Variants in CRADD observed in about 807,000 individuals in gnomAD.
CRADD encodes death domain-containing protein CRADD.
A neutral mutation model predicts 15.5 loss-of-function variants in CRADD; 9 were observed. That is an observed-to-expected ratio of 0.58 (90% confidence interval 0.35 to 1.01). The LOEUF (loss-of-function observed/expected upper bound fraction) is 1.01. Ranked by LOEUF, CRADD falls within the 50% of genes least tolerant of loss-of-function variation. CRADD has a pLI of 0.02. For missense variants in CRADD, 227 were observed against 250.3 expected, an observed-to-expected ratio of 0.91 and a Z score of 0.63; for synonymous variants, 118 against 107.6, an observed-to-expected ratio of 1.10 and a Z score of -0.60.
At chr12:93,740,298 CT>C (rs1249738553) in intron 2 of CRADD, among the ~76,000 whole-genome samples, 1 of 152,068 alleles carries the variant, frequency 6.6e-6, no homozygotes, top group Admixed American at 6.5e-5. Flanking sequence ...ATTAGAACAA[CT>C]TTTTTTCTCA....
intron 2 of CRADD, among the ~76,000 whole-genome samples, chr12:93,817,955 C>G (rs1173885637): frequency 6.6e-6 from 1 of 152,194 alleles, no homozygotes; most frequent in Non-Finnish European, 1.5e-5. Context: ...GGCCGTGCAG[C>G]GGTGCCTTGT....
intron 2 of CRADD, among the ~76,000 whole-genome samples, chr12:93,741,688 C>T (rs1490890508): frequency 1.3e-5 from 2 of 152,060 alleles, no homozygotes; most frequent in African/African-American, 4.8e-5. Flanking sequence ...AGATAGGGGT[C>T]GGTGGAGGTT....
intron 2 of CRADD, among the ~76,000 whole-genome samples, chr12:93,820,594 G>A (rs1418213555): frequency 2.0e-5 from 3 of 151,558 alleles, no homozygotes; most frequent in Non-Finnish European, 4.4e-5. Flanking sequence ...CTGAGAAGAC[G>A]CATCACTGGG....
At chr12:93,867,340 C>T in intron 2 of CRADD, among the ~76,000 whole-genome samples, 1 of 140,690 alleles carries the variant, frequency 7.1e-6, no homozygotes, top group Non-Finnish European at 1.6e-5. Context: ...ATAAAAAGTA[C>T]AGGAAAACAT....
chr12:93,710,991 T>G (rs1480436086), intron 2 of CRADD, among the ~76,000 whole-genome samples: 3 of 151,768 alleles, frequency 2.0e-5, no homozygotes, highest in African/African-American at 4.8e-5. Flanking sequence ...TGGGCTTTAT[T>G]GAGCCACAGC....
At chr12:93,880,237 G>T (rs1196199076) in intron 2 of CRADD, among the ~76,000 whole-genome samples, 1 of 152,170 alleles carries the variant, frequency 6.6e-6, no homozygotes, top group Non-Finnish European at 1.5e-5. Context: ...CTGGAAAGGA[G>T]AAAGCATGTT....
chr12:93,850,941 A>G (rs151285736), downstream of CRADD, among the ~76,000 whole-genome samples: 502 of 152,302 alleles, frequency 3.3e-3, 5 homozygotes, highest in African/African-American at 0.012. The surrounding 1 kb of genome is among the most constrained non-coding windows in gnomAD (Gnocchi z 4.0). Context: ...AAGACACTAA[A>G]GCTCCCTGCA....
At chr12:93,834,163 C>T (rs1044492357) in intron 2 of CRADD, among the ~76,000 whole-genome samples, 1 of 152,208 alleles carries the variant, frequency 6.6e-6, no homozygotes, top group African/African-American at 2.4e-5. Context: ...GGAGTATGAG[C>T]ATGAAATGAA....
intron 2 of CRADD, among the ~76,000 whole-genome samples, chr12:93,797,328 C>T (rs1432652742): frequency 6.6e-6 from 1 of 152,148 alleles, no homozygotes; most frequent in Non-Finnish European, 1.5e-5. Flanking sequence ...TCATGGTCTC[C>T]AGACTTTTCT....
chr12:93,680,209 A>T (rs911583169), intron 2 of CRADD, among the ~76,000 whole-genome samples: 2 of 152,166 alleles, frequency 1.3e-5, no homozygotes, highest in African/African-American at 4.8e-5. Context: ...GAAAAAAAAA[A>T]GTAATTGAAA....
At chr12:93,812,388 A>C (rs1039110861) in intron 2 of CRADD, among the ~76,000 whole-genome samples, 2 of 152,156 alleles carry the variant, frequency 1.3e-5, no homozygotes. Flanking sequence ...TAACTGGCAT[A>C]AATAAATAGT....
chr12:93,770,307 C>A (rs182491048), intron 2 of CRADD, among the ~76,000 whole-genome samples: 1 of 151,970 alleles, frequency 6.6e-6, no homozygotes, highest in East Asian at 1.9e-4. Flanking sequence ...CCGTGTTAGC[C>A]AGGATGGTCT....
At chr12:93,803,965 G>T (rs1957505792) in intron 2 of CRADD, among the ~76,000 whole-genome samples, 1 of 152,150 alleles carries the variant, frequency 6.6e-6, no homozygotes, top group African/African-American at 2.4e-5. Context: ...AGGCCTTGGA[G>T]CTAAGGAATA....
At chr12:93,876,899 A>G (rs1271063631) in intron 2 of CRADD, among the ~76,000 whole-genome samples, 1 of 152,080 alleles carries the variant, frequency 6.6e-6, no homozygotes, top group African/African-American at 2.4e-5. Context: ...GTGTCTGGCC[A>G]TTGAAGAGTG....
chr12:93,886,141 A>G (rs1180342095), intron 2 of CRADD, among the ~76,000 whole-genome samples: 1 of 149,900 alleles, frequency 6.7e-6, no homozygotes, highest in Non-Finnish European at 1.5e-5. Flanking sequence ...GCTAAGATGG[A>G]CATGCCTCTA....
At chr12:93,684,614 A>G (rs1040622071) in intron 2 of CRADD, among the ~76,000 whole-genome samples, 1 of 152,230 alleles carries the variant, frequency 6.6e-6, no homozygotes, top group Non-Finnish European at 1.5e-5. Context: ...AATGTATTCT[A>G]GTAGAGGGAG....
chr12:93,837,917 T>G (rs1473406715), intron 2 of CRADD: 1 of 152,226 alleles, frequency 6.6e-6, no homozygotes, highest in African/African-American at 2.4e-5. Context: ...CAGAGCTGTG[T>G]CCACCCTACC....
intron 2 of CRADD, among the ~76,000 whole-genome samples, chr12:93,794,189 G>A (rs1957385300): frequency 6.6e-6 from 1 of 152,052 alleles, no homozygotes; most frequent in African/African-American, 2.4e-5. Context: ...ACCTCTAGCT[G>A]TTGGAAAGCC....
intron 2 of CRADD, among the ~76,000 whole-genome samples, chr12:93,679,492 C>T (rs1731786196): frequency 6.6e-6 from 1 of 152,044 alleles, no homozygotes; most frequent in South Asian, 2.1e-4. Flanking sequence ...GGACAAGGGT[C>T]AATGGTTGAT....
Sources: allele counts gnomAD v4.1 joint callset (sites outside exome capture counted in the v4.1 genomes callset), GRCh38; gene constraint gnomAD v4.1.1; non-coding constraint Gnocchi (gnomAD v3.1); transcripts MANE v1.5; gene names NCBI Gene and HGNC (gene_info 2026-07-23, HGNC 2026-07-21).